Variants in MICAL2 observed in about 807,000 individuals in gnomAD.
MICAL2 encodes [F-actin]-monooxygenase MICAL2.
MICAL2 carries 77 observed loss-of-function variants against 127.3 expected under a neutral mutation model. The observed-to-expected ratio is 0.60, with a 90% CI of 0.50 to 0.73. MICAL2 has a LOEUF of 0.73. MICAL2 is among the 30% of genes least tolerant of loss of function. The pLI is 0.00. For synonymous variants in MICAL2, 570 were observed against 551.1 expected, an observed-to-expected ratio of 1.03 and a Z score of -0.48; for missense variants, 1,351 against 1,434.4, an observed-to-expected ratio of 0.94 and a Z score of 0.94.
At chr11:12,294,624 C>CA (rs747467435), downstream of MICAL2, 846 of 1,614,090 alleles carry the variant, frequency 5.2e-4, 2 homozygotes, top group South Asian at 1.5e-3. Context: ...TCACTTTTTT[C>CA]CTCCCTCAGA....
chr11:12,131,759 T>C (rs1266438522), intron 1 of MICAL2, among the ~76,000 whole-genome samples: 8 of 152,174 alleles, frequency 5.3e-5, no homozygotes, highest in African/African-American at 1.9e-4. Context: ...AGCTCTGTTT[T>C]TTATGAGCTG....
intron 2 of MICAL2, among the ~76,000 whole-genome samples, chr11:12,285,128 A>G (rs946104301): frequency 6.6e-6 from 1 of 152,186 alleles, no homozygotes; most frequent in African/African-American, 2.4e-5. Context: ...TGGTCAGGTC[A>G]GAGATGAACT....
downstream of MICAL2, chr11:12,292,187 C>T (rs200388450): frequency 2.1e-4 from 333 of 1,613,860 alleles, 1 homozygote; most frequent in African/African-American, 4.1e-3. Flanking sequence ...TCCTAAGGAC[C>T]CTTCTCCTTC....
At chr11:12,195,096 A>T (rs1859719996) in intron 3 of MICAL2, among the ~76,000 whole-genome samples, 1 of 151,914 alleles carries the variant, frequency 6.6e-6, no homozygotes, top group Admixed American at 6.6e-5. Context: ...TCTCTACAAC[A>T]TTTTTTTGTA....
At chr11:12,321,070 G>A (rs766340573) in intron 30 of MICAL2, among the ~76,000 whole-genome samples, 2 of 152,062 alleles carry the variant, frequency 1.3e-5, no homozygotes, top group South Asian at 2.1e-4. Flanking sequence ...GAGAATAAAA[G>A]AATAGAATGG....
At chr11:12,197,964 T>C (rs1344000551) in intron 3 of MICAL2, among the ~76,000 whole-genome samples, 1 of 152,150 alleles carries the variant, frequency 6.6e-6, no homozygotes, top group Non-Finnish European at 1.5e-5. Context: ...TGATAAGTGG[T>C]GTGTAATTGT....
intron 3 of MICAL2, among the ~76,000 whole-genome samples, chr11:12,163,125 A>G (rs1377046156): frequency 1.3e-5 from 2 of 152,168 alleles, no homozygotes; most frequent in Non-Finnish European, 1.5e-5. Flanking sequence ...AGTTAAGCCT[A>G]CACGAACTGG....
intron 1 of MICAL2, among the ~76,000 whole-genome samples, chr11:12,125,713 C>T (rs762815340): frequency 1.2e-4 from 19 of 152,298 alleles, no homozygotes; most frequent in South Asian, 4.1e-4. Flanking sequence ...TGCATAATCA[C>T]GGTCCGGAAA....
At chr11:12,335,741 T>G (rs1257634274) in intron 32 of MICAL2, among the ~76,000 whole-genome samples, 1 of 152,250 alleles carries the variant, frequency 6.6e-6, no homozygotes, top group African/African-American at 2.4e-5. Context: ...TTTTGTCAAG[T>G]TTGTCAAAGA....
downstream of MICAL2, among the ~76,000 whole-genome samples, chr11:12,290,600 T>C (rs1863885177): frequency 6.6e-6 from 1 of 152,182 alleles, no homozygotes; most frequent in Non-Finnish European, 1.5e-5. Flanking sequence ...AACCTTCTAA[T>C]CGTGGGCTGC....
chr11:12,167,296 A>G (rs768554505), intron 3 of MICAL2, among the ~76,000 whole-genome samples: 10 of 152,158 alleles, frequency 6.6e-5, no homozygotes, highest in Non-Finnish European at 1.5e-4. Context: ...TTTTAGAAGG[A>G]TGTGACTGTA....
chr11:12,163,922 G>A (rs901302), intron 3 of MICAL2, among the ~76,000 whole-genome samples: 131,939 of 152,028 alleles, frequency 0.87, 57,878 homozygotes, highest in Middle Eastern at 0.97. Flanking sequence ...CAGTTGCACT[G>A]TGTTCTCTCA....
chr11:12,299,442 G>A (rs1363857888), intron 29 of MICAL2, among the ~76,000 whole-genome samples: 1 of 152,148 alleles, frequency 6.6e-6, no homozygotes, highest in Non-Finnish European at 1.5e-5. Flanking sequence ...ATTTGAATAA[G>A]AGCCAGGCTG....
intron 26 of MICAL2, chr11:12,261,621 T>C (rs1293979356): frequency 1.0e-6 from 1 of 985,360 alleles, no homozygotes; most frequent in Non-Finnish European, 1.2e-6. Context: ...AACTAAGAGG[T>C]GTGCCTGGGT....
At chr11:12,226,754 G>T (rs1014688290) in intron 14 of MICAL2, among the ~76,000 whole-genome samples, 1 of 149,226 alleles carries the variant, frequency 6.7e-6, no homozygotes, top group Non-Finnish European at 1.5e-5. Context: ...CTGGGTTCAC[G>T]CCATTCTCCT....
chr11:12,299,549 T>G (rs1222498666), intron 29 of MICAL2, among the ~76,000 whole-genome samples: 5 of 152,244 alleles, frequency 3.3e-5, no homozygotes, highest in Non-Finnish European at 7.3e-5. Flanking sequence ...CTTGGAGGCA[T>G]AAACTAATTT....
chr11:12,340,376 T>G (rs1467828953), intron 32 of MICAL2, among the ~76,000 whole-genome samples: 3 of 152,318 alleles, frequency 2.0e-5, no homozygotes, highest in South Asian at 4.1e-4. Context: ...TTTAAAAATC[T>G]GATAATACTA....
downstream of MICAL2, among the ~76,000 whole-genome samples, chr11:12,292,826 A>G (rs1006057205): frequency 3.9e-5 from 6 of 152,192 alleles, no homozygotes; most frequent in African/African-American, 1.2e-4. Flanking sequence ...CACAAGACAG[A>G]AAAGATGGGT....
intron 32 of MICAL2, among the ~76,000 whole-genome samples, chr11:12,343,200 G>C (rs1402190009): frequency 1.3e-5 from 2 of 152,082 alleles, no homozygotes; most frequent in Non-Finnish European, 2.9e-5. Context: ...CTGAGGTCAG[G>C]AGTTCGAGAC....
Sources: allele counts gnomAD v4.1 joint callset (sites outside exome capture counted in the v4.1 genomes callset), GRCh38; gene constraint gnomAD v4.1.1; transcripts MANE v1.5; gene names NCBI Gene and HGNC (gene_info 2026-07-23, HGNC 2026-07-21).